TMPRSS11A: variants seen among roughly 807,000 people sequenced by gnomAD.
The protein encoded by TMPRSS11A is transmembrane protease serine 11A.
Under a neutral mutation model 58.9 loss-of-function variants are expected in TMPRSS11A, and 53 were observed. The observed-to-expected ratio is 0.90, with a 90% CI of 0.72 to 1.13. TMPRSS11A has a LOEUF of 1.13. Ranked by LOEUF, TMPRSS11A falls within the 50% of genes most tolerant of loss-of-function variation. TMPRSS11A has a pLI of 0.00. For synonymous variants in TMPRSS11A, 167 were observed against 169.8 expected, an observed-to-expected ratio of 0.98 and a Z score of 0.13; for missense variants, 493 against 499.3, an observed-to-expected ratio of 0.99 and a Z score of 0.12.
Position 67,911,213 on chromosome 4 carries a change from C to T in TMPRSS11A, c.*129G>A, listed in dbSNP as rs1286075898. On this transcript the variant is annotated 3_prime_UTR_variant, in exon 10 of 10. Coordinates refer to ENST00000508048, the MANE Select transcript of TMPRSS11A (RefSeq NM_001114387.2). ...GATTAAAGTGATTCTAAATAACTTACGTTGTGTGTTTCATGTTACTAGATC... is the reference window on the plus strand; with the variant it reads ...GATTAAAGTGATTCTAAATAACTTATGTTGTGTGTTTCATGTTACTAGATC... The T allele has an allele frequency of 2.1e-5, 16 of 768,830 alleles. No individual in the cohort carries two copies. The highest frequency in any genetic ancestry group is 1.6e-4 in the East Asian group (6 of 38,426). The allele number at this position is 768,830 out of a possible 1,614,324, so 47.6% of individuals were successfully genotyped here.
chr4:67,937,747 C>T (rs543668430), intron 3 of TMPRSS11A, among the ~76,000 whole-genome samples: 1 of 152,178 alleles, frequency 6.6e-6, no homozygotes, highest in South Asian at 2.1e-4. Context: ...ACATAGTATT[C>T]CATGGTATAT....
intron 5 of TMPRSS11A, among the ~76,000 whole-genome samples, chr4:67,928,284 G>A (rs978727307): frequency 2.0e-5 from 3 of 152,182 alleles, no homozygotes; most frequent in Non-Finnish European, 2.9e-5. Flanking sequence ...GACCTCAGGT[G>A]ATCCACCCGC....
intron 8 of TMPRSS11A, among the ~76,000 whole-genome samples, chr4:67,918,241 A>T (rs1294831967): frequency 6.6e-6 from 1 of 152,222 alleles, no homozygotes; most frequent in South Asian, 2.1e-4. Context: ...TACCTGGACC[A>T]CATGGTAGAA....
intron 3 of TMPRSS11A, among the ~76,000 whole-genome samples, chr4:67,943,669 AT>A (rs1326909961): frequency 1.4e-5 from 2 of 140,562 alleles, no homozygotes; most frequent in Non-Finnish European, 3.2e-5. Flanking sequence ...AAATTAAGAA[AT>A]TGTGAATGAT....
In TMPRSS11A at chr4:67,912,305, CAT is replaced by C. The variant is rs1403732091; in HGVS notation, c.1096-804_1096-803del. Among the ~76,000 whole-genome samples the C allele has an allele frequency of 4.3e-5, 6 of 139,618 alleles. No homozygotes were observed. The East Asian group carries it at 1.1e-3, about 25-fold the overall frequency. 91.6% of individuals were successfully genotyped at this position (139,618 alleles called of 152,430 possible). On this transcript the variant is annotated intron_variant, in intron 9 of 9. Transcript: ENST00000508048. ...CAACACACACACACACACACACACA[CAT>C]ACACACATACACATACACATACACA...
intron 1 of TMPRSS11A, among the ~76,000 whole-genome samples, chr4:67,948,147 C>CTTTTT (rs10577639): frequency 6.1e-5 from 6 of 98,292 alleles, no homozygotes; most frequent in African/African-American, 2.0e-4. Context: ...CAGTTTTTTT[C>CTTTTT]TTTTTTTTTT....
chr4:67,929,440 T>C (rs2109747283), intron 5 of TMPRSS11A, among the ~76,000 whole-genome samples: 1 of 152,316 alleles, frequency 6.6e-6, no homozygotes, highest in African/African-American at 2.4e-5. Flanking sequence ...TTTTCCCAAA[T>C]GCCCATAGGA....
Position 67,946,512 on chromosome 4 carries a change from A to G in TMPRSS11A, c.71T>C (p.Ile24Thr), listed in dbSNP as rs1721011281. The change falls in exon 2 of 10, where the codon ATT becomes ACT. Residue 24 changes from isoleucine to threonine, a missense_variant. Physicochemically the swap from Ile to Thr is moderately conservative, Grantham distance 89. Coordinates refer to ENST00000508048, the MANE Select transcript of TMPRSS11A (RefSeq NM_001114387.2). The part of the protein sequence containing the change: ...NLKPWMIAVL[I>T]VLSLTVVAVT... ...TGCCACCACTGTCAGGGACAACACAATGAGAACGGCAATCATCCATGGCTT... is the reference window on the plus strand; with the variant it reads ...TGCCACCACTGTCAGGGACAACACAGTGAGAACGGCAATCATCCATGGCTT... 1 of 1,612,846 alleles carries G rather than the reference A, an allele frequency of 6.2e-7. No individual in the cohort carries two copies. Among genetic ancestry groups the G allele is most frequent in the African/African-American group, 1.3e-5 (1 of 74,968 alleles).
intron 6 of TMPRSS11A, among the ~76,000 whole-genome samples, chr4:67,923,395 A>AT (rs1457007373): frequency 6.6e-6 from 1 of 152,214 alleles, no homozygotes; most frequent in Non-Finnish European, 1.5e-5. Flanking sequence ...CATGAACATC[A>AT]TTGCTCAAAT....
At chr4:67,936,008 A>C (rs1720743945) in intron 3 of TMPRSS11A, among the ~76,000 whole-genome samples, 1 of 152,158 alleles carries the variant, frequency 6.6e-6, no homozygotes, top group Non-Finnish European at 1.5e-5. Context: ...CTCTAAGGTG[A>C]GTACTATGAT....
At chr4:67,921,178 A>G (rs1237289201) in intron 7 of TMPRSS11A, among the ~76,000 whole-genome samples, 1 of 152,188 alleles carries the variant, frequency 6.6e-6, no homozygotes, top group Non-Finnish European at 1.5e-5. Flanking sequence ...AAATAGAACT[A>G]TCTACCACAA....
chr4:67,948,666 C>T (rs921823520), intron 1 of TMPRSS11A, among the ~76,000 whole-genome samples: 1 of 152,184 alleles, frequency 6.6e-6, no homozygotes, highest in Non-Finnish European at 1.5e-5. Flanking sequence ...TGCGGAAAGG[C>T]AGCAGGTCCT....
At chr4:67,914,273 T>G (rs990200471) in intron 9 of TMPRSS11A, among the ~76,000 whole-genome samples, 1 of 152,216 alleles carries the variant, frequency 6.6e-6, no homozygotes, top group African/African-American at 2.4e-5. Context: ...ATTCATAACA[T>G]CACTTTATAC....
rs1720575986 is a variant in TMPRSS11A, at chr4:67,930,180, C to T, written c.321-140G>A. On this transcript the variant is annotated intron_variant, in intron 4 of 9. Transcript: ENST00000508048. ...CTGATCCTCTCATGTCATTCTGACC[C>T]AAGGTCATTTCATATGTTCCCTCTT... 6.5e-6 allele frequency: 4 copies of T among 614,962 alleles called. No homozygotes were observed. The East Asian group carries it at 1.1e-4, about 17-fold the overall frequency. 38.1% of individuals were successfully genotyped at this position (614,962 alleles called of 1,614,324 possible).
At chr4:67,946,421 A>T in intron 2 of TMPRSS11A, 29 bp downstream of exon 2, 3 of 1,561,642 alleles carry the variant, frequency 1.9e-6, no homozygotes, top group Non-Finnish European at 2.6e-6. Context: ...AATAAAATCA[A>T]ATAGAGTGAA....
chr4:67,914,742 A>AT lies in TMPRSS11A; in HGVS notation c.953-13dup, dbSNP rs1046175148. On this transcript the variant is annotated splice_polypyrimidine_tract_variant and intron_variant, in intron 8 of 9. Coordinates refer to ENST00000508048, the MANE Select transcript of TMPRSS11A (RefSeq NM_001114387.2). ...ATTTTGGGATTCCCCTTAAGGAAAA[A>AT]TAGAGTTATTCTAGTATTTACAATC... 21 of 1,609,834 alleles carry AT rather than the reference A, an allele frequency of 1.3e-5. No homozygotes were observed. The highest frequency in any genetic ancestry group is 1.7e-5 in the Non-Finnish European group (20 of 1,177,534).
intron 3 of TMPRSS11A, among the ~76,000 whole-genome samples, chr4:67,941,668 A>C (rs954951590): frequency 6.6e-6 from 1 of 152,228 alleles, no homozygotes. Context: ...AACTAGTTAT[A>C]TTCAAAAACT....
At chr4:67,932,772 C>G (rs1361309953) in intron 3 of TMPRSS11A, among the ~76,000 whole-genome samples, 1 of 151,860 alleles carries the variant, frequency 6.6e-6, no homozygotes, top group African/African-American at 2.4e-5. Context: ...ATTGTGGACT[C>G]TAGGGTAAAT....
rs1024679483 is a variant in TMPRSS11A at position 67,910,228 on chromosome 4, A to G, written c.*1114T>C. 2.6e-5 allele frequency: 4 copies of G among 152,060 alleles called. No individual in the cohort carries two copies. The highest frequency in any genetic ancestry group is 5.9e-5 in the Non-Finnish European group (4 of 67,920). 9.4% of individuals were successfully genotyped at this position (152,060 alleles called of 1,614,324 possible). A position where few individuals can be genotyped will look rare whatever the true frequency, so the allele number is the denominator to read the frequency against. ...AGTGGTCCAAAAGAGAAAACATACT[A>G]TATGTTATATGTTATAGCCCCATGT... On this transcript the variant is annotated 3_prime_UTR_variant, in exon 10 of 10. Transcript: ENST00000508048.
Sources: gnomAD v4.1 joint callset for allele counts (sites outside exome capture counted in the v4.1 genomes callset) on GRCh38, gnomAD v4.1.1 for gene constraint, MANE v1.5 for transcripts, NCBI Gene and HGNC (gene_info 2026-07-23, HGNC 2026-07-21) for gene names.